Variants in AGBL1 observed in about 807,000 individuals in gnomAD.
The protein encoded by AGBL1 is cytosolic carboxypeptidase 4.
AGBL1 carries 130 observed loss-of-function variants against 118.9 expected under a neutral mutation model. The ratio of observed to expected loss-of-function variants is 1.09; its 90% CI spans 0.95 to 1.26. The LOEUF is 1.26. Among genes scored for constraint, AGBL1 ranks in the 50% most tolerant of loss-of-function variants. AGBL1 has a pLI of 0.00. For missense variants in AGBL1, 1,584 were observed against 1,298.1 expected (o/e 1.22, Z -3.38); for synonymous variants, 555 against 478.9 (o/e 1.16, Z -2.08).
intron 5 of AGBL1, among the ~76,000 whole-genome samples, chr15:86,221,424 T>C (rs926804118): frequency 6.6e-6 from 1 of 152,204 alleles, no homozygotes; most frequent in Non-Finnish European, 1.5e-5. Flanking sequence ...GCTTAAGCTT[T>C]TGCTTTTTGT....
intron 17 of AGBL1, among the ~76,000 whole-genome samples, chr15:86,343,236 A>G (rs111743261): frequency 1.8e-3 from 268 of 152,282 alleles, no homozygotes; most frequent in Middle Eastern, 3.4e-3. Context: ...CCAATGGAAG[A>G]TAATACAAAA....
intron 1 of AGBL1, among the ~76,000 whole-genome samples, chr15:86,139,470 C>T (rs549660239): frequency 1.3e-5 from 2 of 152,184 alleles, no homozygotes; most frequent in Non-Finnish European, 2.9e-5. Context: ...ATTTCTGTTT[C>T]TTGCCTCTGT....
chr15:86,434,356 G>C (rs1182567308), intron 18 of AGBL1, among the ~76,000 whole-genome samples: 2 of 152,232 alleles, frequency 1.3e-5, no homozygotes, highest in Non-Finnish European at 2.9e-5. Context: ...TTCAGCTGTA[G>C]AGTATATTGT....
intron 22 of AGBL1, among the ~76,000 whole-genome samples, chr15:86,800,901 C>T (rs1221486133): frequency 6.6e-6 from 1 of 152,034 alleles, no homozygotes; most frequent in East Asian, 1.9e-4. Context: ...GCAGCAGTTG[C>T]TGAGTTAGGT....
At chr15:86,450,615 A>T (rs2082181566) in intron 18 of AGBL1, among the ~76,000 whole-genome samples, 1 of 152,172 alleles carries the variant, frequency 6.6e-6, no homozygotes, top group South Asian at 2.1e-4. Context: ...GACTACTACT[A>T]TTTAAGAATA....
At chr15:86,835,144 C>T (rs4887512) in intron 22 of AGBL1, among the ~76,000 whole-genome samples, 52,368 of 151,784 alleles carry the variant, frequency 0.35, 10,949 homozygotes, top group Non-Finnish European at 0.48. Context: ...TCTGGGTAGT[C>T]CAGGCTAAGA....
intron 21 of AGBL1, among the ~76,000 whole-genome samples, chr15:86,604,121 C>T (rs747011893): frequency 4.7e-5 from 7 of 150,464 alleles, no homozygotes; most frequent in Non-Finnish European, 1.0e-4. Flanking sequence ...CTAACAAACT[C>T]ATCGGGGCCA....
At chr15:86,405,638 A>G (rs191508778) in intron 18 of AGBL1, among the ~76,000 whole-genome samples, 1 of 152,352 alleles carries the variant, frequency 6.6e-6, no homozygotes, top group Admixed American at 6.5e-5. Flanking sequence ...AATGGCTAAT[A>G]CATTTTAAGA....
At chr15:86,797,250 T>C (rs2141342029) in intron 22 of AGBL1, among the ~76,000 whole-genome samples, 1 of 152,334 alleles carries the variant, frequency 6.6e-6, no homozygotes, top group Admixed American at 6.5e-5. Flanking sequence ...TCAGTTAAAC[T>C]GACATTTTGT....
intron 21 of AGBL1, among the ~76,000 whole-genome samples, chr15:86,626,272 G>T (rs1270958214): frequency 6.6e-6 from 1 of 152,082 alleles, no homozygotes. Context: ...GCCCATCAAC[G>T]ATAAACTGGA....
At chr15:86,734,145 A>G (rs963516603) in intron 22 of AGBL1, among the ~76,000 whole-genome samples, 4 of 152,172 alleles carry the variant, frequency 2.6e-5, no homozygotes, top group African/African-American at 7.2e-5. Context: ...CCTAGGACAT[A>G]CAGCCATATC....
intron 18 of AGBL1, among the ~76,000 whole-genome samples, chr15:86,469,269 AC>A (rs2082446878): frequency 6.6e-6 from 1 of 152,126 alleles, no homozygotes; most frequent in Admixed American, 6.6e-5. Context: ...CTGGTAATCA[AC>A]CTTTGACTGA....
intron 22 of AGBL1, among the ~76,000 whole-genome samples, chr15:86,730,774 A>G (rs2141214943): frequency 1.3e-5 from 2 of 152,338 alleles, no homozygotes; most frequent in South Asian, 4.1e-4. Context: ...GTGTATAATT[A>G]CAAATTCCAT....
intron 17 of AGBL1, among the ~76,000 whole-genome samples, chr15:86,305,814 G>A (rs2079831243): frequency 6.6e-6 from 1 of 151,970 alleles, no homozygotes; most frequent in East Asian, 1.9e-4. Flanking sequence ...CTTGACAATT[G>A]AAGTCTGTGA....
At chr15:86,194,399 C>A (rs531301675) in intron 5 of AGBL1, among the ~76,000 whole-genome samples, 1 of 152,320 alleles carries the variant, frequency 6.6e-6, no homozygotes, top group East Asian at 1.9e-4. Context: ...GTCTTGGGAT[C>A]TTTTCTCCCA....
intron 21 of AGBL1, among the ~76,000 whole-genome samples, chr15:86,645,096 A>G (rs537086738): frequency 6.6e-6 from 1 of 152,242 alleles, no homozygotes; most frequent in African/African-American, 2.4e-5. Flanking sequence ...ATTTAATTAG[A>G]AAAAAATTGA....
intron 21 of AGBL1, among the ~76,000 whole-genome samples, chr15:86,657,482 T>A (rs993196955): frequency 4.6e-5 from 7 of 152,186 alleles, no homozygotes; most frequent in Admixed American, 2.0e-4. Context: ...ATACTCTGTG[T>A]GTGTTTGTAT....
chr15:86,941,856 G>A (rs2080756047), intron 23 of AGBL1, among the ~76,000 whole-genome samples: 1 of 152,214 alleles, frequency 6.6e-6, no homozygotes, highest in African/African-American at 2.4e-5. Flanking sequence ...GAAGCAGGAG[G>A]CAAAATTCTT....
At chr15:86,332,576 G>A (rs1404420119) in intron 17 of AGBL1, among the ~76,000 whole-genome samples, 1 of 151,516 alleles carries the variant, frequency 6.6e-6, no homozygotes, top group Non-Finnish European at 1.5e-5. Flanking sequence ...AACCCAGGAG[G>A]TGGAGCTTGC....
Sources: allele counts gnomAD v4.1 joint callset (sites outside exome capture counted in the v4.1 genomes callset), GRCh38; gene constraint gnomAD v4.1.1; transcripts MANE v1.5; gene names NCBI Gene and HGNC (gene_info 2026-07-23, HGNC 2026-07-21).